The following KIF18A variants were observed in gnomAD, a reference collection of about 807,000 sequenced individuals.
KIF18A encodes the protein kinesin family member 18A, also known as kinesin-like protein KIF18A.
In KIF18A, 67 loss-of-function variants were observed where a neutral mutation model predicts 103.3. The observed-to-expected ratio is 0.65, with a 90% CI of 0.53 to 0.79. The LOEUF (loss-of-function observed/expected upper bound fraction) is 0.79. Ranked by LOEUF, KIF18A falls within the 30% of genes least tolerant of loss-of-function variation. The pLI is 0.00. For missense variants in KIF18A, 1,032 were observed against 1,062.5 expected (o/e 0.97, Z 0.40); for synonymous variants, 367 against 355.5 (o/e 1.03, Z -0.36).
chr11:28,049,221 G>T (rs1850680034), intron 13 of KIF18A, among the ~76,000 whole-genome samples: 1 of 151,654 alleles, frequency 6.6e-6, no homozygotes, highest in Non-Finnish European at 1.5e-5. Context: ...TTGCTAAATG[G>T]CAATTCATGT....
chr11:28,080,804 C>T (rs1851156161), intron 9 of KIF18A, among the ~76,000 whole-genome samples: 1 of 152,094 alleles, frequency 6.6e-6, no homozygotes, highest in Admixed American at 6.6e-5. Context: ...TTGTAGAAAG[C>T]CAAGATAGGC....
chr11:28,055,003 T>C (rs888004157), intron 13 of KIF18A, among the ~76,000 whole-genome samples: 4 of 152,138 alleles, frequency 2.6e-5, no homozygotes, highest in African/African-American at 7.2e-5. Context: ...TCAATCTTGG[T>C]GTTAAAATCC....
rs190082603 is a variant in KIF18A, at chr11:28,088,832, C to A, written c.700-111G>T. On this transcript the variant is annotated intron_variant, in intron 5 of 16. Transcript: ENST00000263181. Reference sequence around the variant, plus strand: ...TCAAAATTATTTTCATTTTAAAAAACAACTGAACAAGGTATAATCTAATTG... The same window carrying A: ...TCAAAATTATTTTCATTTTAAAAAAAAACTGAACAAGGTATAATCTAATTG... The A allele has an allele frequency of 4.0e-5, 32 of 806,942 alleles. No homozygotes were observed. In the Admixed American group the frequency reaches 6.0e-4, roughly 15 times the overall value. The allele number at this position is 806,942 out of a possible 1,614,324, so 50.0% of individuals were successfully genotyped here. A position where few individuals can be genotyped will look rare whatever the true frequency, so the allele number is the denominator to read the frequency against.
chr11:28,058,871 A>G, intron 13 of KIF18A, 55 bp downstream of exon 13: 1 of 1,322,366 alleles, frequency 7.6e-7, no homozygotes, highest in Non-Finnish European at 1.1e-6. Context: ...TTGATATACA[A>G]AGGTTCTCTT....
rs1850489504 is a variant in KIF18A, at chr11:28,036,316, A to G, written c.2297T>C (p.Leu766Ser). The G allele has an allele frequency of 6.2e-7, 1 of 1,610,790 alleles. No individual in the cohort carries two copies. The highest frequency in any genetic ancestry group is 8.5e-7 in the Non-Finnish European group (1 of 1,177,832). The change falls in exon 14 of 17, where the codon TTG (leucine) becomes TCG (serine). Residue 766 changes from leucine (L) to serine (S), a missense_variant. Physicochemically the swap from Leu to Ser is moderately radical, Grantham distance 145. Transcript: ENST00000263181. ...NRRKECGQEDLDSTFTICEDI... is the reference protein window; with the variant it reads ...NRRKECGQEDSDSTFTICEDI... ...TTCACATATAGTAAATGTAGAGTCCAAGTCCTCCTGTCCACATTCTTTTCT... is the reference window on the plus strand; with the variant it reads ...TTCACATATAGTAAATGTAGAGTCCGAGTCCTCCTGTCCACATTCTTTTCT...
At chr11:28,024,885 C>A (rs1038040879) in intron 15 of KIF18A, among the ~76,000 whole-genome samples, 5 of 151,970 alleles carry the variant, frequency 3.3e-5, no homozygotes, top group Admixed American at 3.3e-4. Context: ...GGGATATCTT[C>A]TAAGATCGCC....
chr11:28,043,476 T>A (rs1005664174), intron 13 of KIF18A, among the ~76,000 whole-genome samples: 1 of 152,024 alleles, frequency 6.6e-6, no homozygotes, highest in Non-Finnish European at 1.5e-5. Flanking sequence ...CTTTTGCTAA[T>A]CCAGATGCCA....
At chr11:28,074,228 T>A (rs1303756803) in intron 10 of KIF18A, among the ~76,000 whole-genome samples, 1 of 151,974 alleles carries the variant, frequency 6.6e-6, no homozygotes, top group East Asian at 1.9e-4. Flanking sequence ...ATATAATTCT[T>A]ATATAATATG....
intron 13 of KIF18A, among the ~76,000 whole-genome samples, chr11:28,054,438 T>G (rs1850752679): frequency 6.6e-6 from 1 of 152,202 alleles, no homozygotes; most frequent in Non-Finnish European, 1.5e-5. Flanking sequence ...CTTGAACTCC[T>G]GACTCAAGCG....
At chr11:28,095,018 C>T (rs577333208) in intron 2 of KIF18A, among the ~76,000 whole-genome samples, 12 of 152,222 alleles carry the variant, frequency 7.9e-5, no homozygotes, top group Non-Finnish European at 1.5e-4. Flanking sequence ...CTACCCCCGG[C>T]CCCCCACTCT....
At chr11:28,099,326 G>T (rs1851417425) in intron 1 of KIF18A, among the ~76,000 whole-genome samples, 1 of 152,102 alleles carries the variant, frequency 6.6e-6, no homozygotes. Context: ...AGAGGCTGAG[G>T]AGGGTGGGGT....
chr11:28,085,256 G>A lies in KIF18A; in HGVS notation c.898-448C>T, dbSNP rs1380272039. Among the ~76,000 whole-genome samples, 6 of 152,172 alleles carry A rather than the reference G, an allele frequency of 3.9e-5. No homozygotes were observed. The East Asian group carries it at 5.9e-4, about 15-fold the overall frequency. On this transcript the variant is annotated intron_variant, in intron 6 of 16. Coordinates refer to ENST00000263181, the MANE Select transcript of KIF18A (RefSeq NM_031217.4). ...AGACACCCATTACTTAGAAGACCGC[G>A]AAAGGGAGTCTCCTTTCCTTGGAGG...
At chr11:28,054,701 T>C (rs1257802032) in intron 13 of KIF18A, among the ~76,000 whole-genome samples, 2 of 152,102 alleles carry the variant, frequency 1.3e-5, no homozygotes, top group Admixed American at 6.6e-5. Flanking sequence ...AATAAATAAA[T>C]AGTTGATCTC....
At chr11:28,096,880 CTCT>C (rs557766079) in intron 2 of KIF18A, among the ~76,000 whole-genome samples, 12 of 101,182 alleles carry the variant, frequency 1.2e-4, no homozygotes, top group Admixed American at 2.2e-4. Flanking sequence ...CTCTCTCTCT[CTCT>C]TTTTTTTTTT....
chr11:28,075,342 C>A (rs1851075511), intron 10 of KIF18A, among the ~76,000 whole-genome samples: 1 of 152,086 alleles, frequency 6.6e-6, no homozygotes, highest in Admixed American at 6.6e-5. Context: ...GCTGTGTCAC[C>A]TTGGACAAAA....
At chr11:28,101,439 A>C (rs1470353859) in intron 1 of KIF18A, among the ~76,000 whole-genome samples, 5 of 152,182 alleles carry the variant, frequency 3.3e-5, no homozygotes, top group Admixed American at 3.3e-4. Context: ...TCCCTAATTA[A>C]TTAGTTAATT....
chr11:28,067,226 A>G (rs1410964471), intron 11 of KIF18A, among the ~76,000 whole-genome samples: 2 of 152,126 alleles, frequency 1.3e-5, no homozygotes, highest in Non-Finnish European at 2.9e-5. Context: ...ATTGCAAAAT[A>G]TTACTAGAAT....
At chr11:28,042,319 A>G (rs1275267043) in intron 13 of KIF18A, among the ~76,000 whole-genome samples, 1 of 151,890 alleles carries the variant, frequency 6.6e-6, no homozygotes, top group Non-Finnish European at 1.5e-5. Context: ...TGTTAAAAAC[A>G]GCATCTCTTT....
chr11:28,030,412 C>G (rs1385800469), intron 15 of KIF18A, among the ~76,000 whole-genome samples: 66 of 150,396 alleles, frequency 4.4e-4, no homozygotes, highest in African/African-American at 1.6e-3. Flanking sequence ...ACAAATCTGA[C>G]AAAAACAAGA....
Sources: gnomAD v4.1 joint callset for allele counts (sites outside exome capture counted in the v4.1 genomes callset) on GRCh38, gnomAD v4.1.1 for gene constraint, MANE v1.5 for transcripts, NCBI Gene and HGNC (gene_info 2026-07-23, HGNC 2026-07-21) for gene names.